Variants in PPARGC1A observed in about 807,000 individuals in gnomAD.
PPARGC1A encodes the protein peroxisome proliferator-activated receptor gamma coactivator 1-alpha.
A neutral mutation model predicts 88.7 loss-of-function variants in PPARGC1A; 25 were observed. The ratio of observed to expected loss-of-function variants is 0.28; its 90% CI spans 0.21 to 0.39. PPARGC1A has a LOEUF of 0.39. PPARGC1A is among the 10% of genes least tolerant of loss of function. The pLI, the probability that PPARGC1A is intolerant of heterozygous loss-of-function variation, is 1.00. For synonymous variants in PPARGC1A, 363 were observed against 355.6 expected (o/e 1.02, Z -0.24); for missense variants, 880 against 968.7 (o/e 0.91, Z 1.22).
chr4:24,098,077 A>G, the PPARGC1A span, among the ~76,000 whole-genome samples: 1 of 152,244 alleles, frequency 6.6e-6, no homozygotes, highest in African/African-American at 2.4e-5. Flanking sequence ...TCATGAAACA[A>G]GTCAAATGAT....
chr4:24,125,691 A>AT, the PPARGC1A span, among the ~76,000 whole-genome samples: 69,349 of 151,964 alleles, frequency 0.46, 16,380 homozygotes, highest in Non-Finnish European at 0.51. Context: ...AAAGTTGTAT[A>AT]GAAGATTAGA....
chr4:24,446,053 A>T, the PPARGC1A span, among the ~76,000 whole-genome samples: 4 of 152,160 alleles, frequency 2.6e-5, no homozygotes, highest in Non-Finnish European at 1.5e-5. Flanking sequence ...ACATCAGAGC[A>T]AGACTCTGTC....
the PPARGC1A span, among the ~76,000 whole-genome samples, chr4:24,243,280 TC>T: frequency 1.3e-5 from 2 of 152,214 alleles, no homozygotes; most frequent in Non-Finnish European, 2.9e-5. Context: ...AAGTGGATCC[TC>T]ATCATGCACT....
the PPARGC1A span, among the ~76,000 whole-genome samples, chr4:23,959,456 T>C: frequency 1.3e-5 from 2 of 152,094 alleles, no homozygotes; most frequent in East Asian, 3.9e-4. Context: ...CCAGTATGAT[T>C]GCTAACTCTA....
In PPARGC1A at chr4:23,829,495, G is replaced by C; in HGVS notation, c.520C>G (p.His174Asp). 6.2e-7 allele frequency: 1 copy of C among 1,613,762 alleles called. No homozygotes were observed. Among genetic ancestry groups the C allele is most frequent in the Non-Finnish European group, 8.5e-7 (1 of 1,179,678 alleles). Residue 174 changes from histidine to aspartate, a missense_variant, in exon 4 of 13, where the codon CAC becomes GAC. Transcript: ENST00000264867. ...ATTGCAGGGTTTGTTCTGATCCTGT[G>C]ATTGTGATTTGCATGGTTCTGGGTA... ...LSTQNHANHNHRIRTNPAIVK... is the reference protein window; with the variant it reads ...LSTQNHANHNDRIRTNPAIVK...
intron 2 of PPARGC1A, among the ~76,000 whole-genome samples, chr4:23,854,147 A>G (rs1360764204): frequency 1.3e-5 from 2 of 152,234 alleles, no homozygotes; most frequent in African/African-American, 2.4e-5. Context: ...TGAAAATACA[A>G]CTAATGACAC....
the PPARGC1A span, among the ~76,000 whole-genome samples, chr4:24,414,608 C>T: frequency 1.7e-4 from 26 of 152,090 alleles, no homozygotes; most frequent in Non-Finnish European, 3.7e-4. Context: ...GAGTCCTGAC[C>T]CCAACCATAG....
At chr4:24,350,051 C>G in the PPARGC1A span, among the ~76,000 whole-genome samples, 1 of 152,258 alleles carries the variant, frequency 6.6e-6, no homozygotes, top group Non-Finnish European at 1.5e-5. Flanking sequence ...TTGGAAACGT[C>G]TCCAGCAAAC....
chr4:23,955,090 CA>C, the PPARGC1A span, among the ~76,000 whole-genome samples: 1 of 151,966 alleles, frequency 6.6e-6, no homozygotes, highest in Admixed American at 6.6e-5. Flanking sequence ...AAGAGATAAC[CA>C]AAATGTTTAT....
chr4:24,101,492 G>A, the PPARGC1A span, among the ~76,000 whole-genome samples: 1 of 152,188 alleles, frequency 6.6e-6, no homozygotes, highest in Non-Finnish European at 1.5e-5. Context: ...TCCACATGAA[G>A]AAATGATAAA....
chr4:24,463,944 T>C, the PPARGC1A span, among the ~76,000 whole-genome samples: 1 of 152,270 alleles, frequency 6.6e-6, no homozygotes, highest in Non-Finnish European at 1.5e-5. Context: ...CACCAGCCCT[T>C]GGGTGTTTAC....
At chr4:23,913,265 TATAGAGAG>T in the PPARGC1A span, among the ~76,000 whole-genome samples, 2,480 of 58,532 alleles carry the variant, frequency 0.042, 21 homozygotes, top group East Asian at 0.11. Flanking sequence ...TATATATATA[TATAGAGAG>T]AGAGAGAGAG....
chr4:24,420,913 C>T, the PPARGC1A span, among the ~76,000 whole-genome samples: 5 of 152,266 alleles, frequency 3.3e-5, no homozygotes, highest in Admixed American at 2.0e-4. Context: ...TGGTGAGGGC[C>T]TGCTCCTCAT....
the PPARGC1A span, among the ~76,000 whole-genome samples, chr4:24,415,051 G>T: frequency 6.6e-6 from 1 of 152,048 alleles, no homozygotes; most frequent in African/African-American, 2.4e-5. Flanking sequence ...TTAGCTGAGT[G>T]CAGTGGCATG....
chr4:24,334,634 T>G, the PPARGC1A span, among the ~76,000 whole-genome samples: 1 of 152,238 alleles, frequency 6.6e-6, no homozygotes, highest in Non-Finnish European at 1.5e-5. Flanking sequence ...TCCGAGGTTT[T>G]GTTTTGTTTG....
the PPARGC1A span, among the ~76,000 whole-genome samples, chr4:24,304,022 C>T: frequency 2.0e-5 from 3 of 152,086 alleles, no homozygotes; most frequent in Admixed American, 6.6e-5. Context: ...GAGGCAAACC[C>T]CCACAACTCC....
At chr4:24,031,669 T>G in the PPARGC1A span, among the ~76,000 whole-genome samples, 1 of 152,146 alleles carries the variant, frequency 6.6e-6, no homozygotes, top group Non-Finnish European at 1.5e-5. Flanking sequence ...ATCCCTGGAC[T>G]CCATCCACTA....
the PPARGC1A span, among the ~76,000 whole-genome samples, chr4:24,407,506 A>G: frequency 1.1e-3 from 162 of 152,354 alleles, no homozygotes; most frequent in African/African-American, 3.7e-3. Context: ...CTGCACAAGC[A>G]TCTGCATTCT....
At chr4:24,065,992 A>G in the PPARGC1A span, among the ~76,000 whole-genome samples, 2 of 152,142 alleles carry the variant, frequency 1.3e-5, no homozygotes, top group African/African-American at 4.8e-5. Flanking sequence ...CAACCTTGGG[A>G]ATCAGCTACC....
Sources: gnomAD v4.1 joint callset for allele counts (sites outside exome capture counted in the v4.1 genomes callset) on GRCh38, gnomAD v4.1.1 for gene constraint, MANE v1.5 for transcripts, NCBI Gene and HGNC (gene_info 2026-07-23, HGNC 2026-07-21) for gene names.